Variants in GALNT1 observed in about 807,000 individuals in gnomAD.
GALNT1 encodes GalNAc transferase 1.
A neutral mutation model predicts 65.7 loss-of-function variants in GALNT1; 17 were observed. The ratio of observed to expected loss-of-function variants is 0.26; its 90% CI spans 0.18 to 0.39. The LOEUF (loss-of-function observed/expected upper bound fraction) is 0.39. GALNT1 is among the 10% of genes least tolerant of loss of function. The probability of loss-of-function intolerance (pLI) is 1.00; values close to 1 mark genes in which losing one functional copy is unlikely to be tolerated. For synonymous variants in GALNT1, 210 were observed against 219.7 expected, an observed-to-expected ratio of 0.96 and a Z score of 0.39; for missense variants, 460 against 672.8, an observed-to-expected ratio of 0.68 and a Z score of 3.50.
chr18:35,589,433 G>T (rs866611654), intron 1 of GALNT1, among the ~76,000 whole-genome samples: 3 of 152,004 alleles, frequency 2.0e-5, no homozygotes, highest in South Asian at 2.1e-4. Flanking sequence ...GGAGTAGAGT[G>T]GTTTTTTTCC....
intron 1 of GALNT1, among the ~76,000 whole-genome samples, chr18:35,641,926 T>C (rs1196412739): frequency 6.6e-6 from 1 of 152,206 alleles, no homozygotes; most frequent in Admixed American, 6.5e-5. Flanking sequence ...TATTTTGTAA[T>C]TTATAGTGTG....
chr18:35,640,088 A>G (rs1199374632), intron 1 of GALNT1, among the ~76,000 whole-genome samples: 1 of 152,176 alleles, frequency 6.6e-6, no homozygotes, highest in Non-Finnish European at 1.5e-5. Flanking sequence ...GTGAGCCACC[A>G]TGTCCAGCCT....
chr18:35,638,448 C>T (rs942807600), intron 1 of GALNT1, among the ~76,000 whole-genome samples: 4 of 152,042 alleles, frequency 2.6e-5, no homozygotes. Context: ...TAACATGGTG[C>T]TTCCCCCCTT....
chr18:35,686,064 A>G (rs1013882345), intron 5 of GALNT1, among the ~76,000 whole-genome samples: 7 of 152,196 alleles, frequency 4.6e-5, no homozygotes, highest in African/African-American at 1.4e-4. Flanking sequence ...GTGAGACTCC[A>G]TCTCCAAACA....
chr18:35,624,596 A>G (rs1359100523), intron 1 of GALNT1, among the ~76,000 whole-genome samples: 2 of 152,144 alleles, frequency 1.3e-5, no homozygotes, highest in African/African-American at 2.4e-5. Flanking sequence ...TGTGCTGTCT[A>G]TAGGTGTGGT....
At chr18:35,682,003 G>A (rs1180725460) in intron 4 of GALNT1, among the ~76,000 whole-genome samples, 1 of 152,080 alleles carries the variant, frequency 6.6e-6, no homozygotes, top group Admixed American at 6.5e-5. Context: ...ACATATGTTA[G>A]CATTATGCTA....
chr18:35,620,536 G>A (rs968417117), intron 1 of GALNT1, among the ~76,000 whole-genome samples: 1 of 152,112 alleles, frequency 6.6e-6, no homozygotes, highest in African/African-American at 2.4e-5. Flanking sequence ...ACAACCACTA[G>A]TAAGAATTTG....
In GALNT1 at chr18:35,691,107, A is replaced by G. The variant is rs746755474; in HGVS notation, c.1074A>G (p.Thr358=). ...KATPYTFPGG[T]GQIINKNNRR... ...CACCTTACACGTTTCCAGGAGGCAC[A>G]GGGCAGATTATCAATAAAAATAACA... The change falls in exon 8 of 12, where the codon ACA becomes ACG. Residue 358 remains threonine, a synonymous_variant. Coordinates refer to ENST00000269195, the MANE Select transcript of GALNT1 (RefSeq NM_020474.4). 5.0e-6 allele frequency: 8 copies of G among 1,613,206 alleles called. No homozygotes were observed. The Admixed American group carries it at 5.0e-5, about 10-fold the overall frequency.
At chr18:35,581,508 C>G (rs1217106336), upstream of GALNT1, among the ~76,000 whole-genome samples, 1 of 143,828 alleles carries the variant, frequency 7.0e-6, no homozygotes, top group African/African-American at 2.5e-5. Flanking sequence ...GCACGCAGCG[C>G]AGGGAGGACC....
intron 1 of GALNT1, among the ~76,000 whole-genome samples, chr18:35,634,615 G>A (rs899787354): frequency 2.0e-5 from 3 of 152,144 alleles, no homozygotes; most frequent in Non-Finnish European, 4.4e-5. Flanking sequence ...TGTGTACTAG[G>A]GAACCTCATT....
At chr18:35,595,938 G>C (rs1169171386) in intron 1 of GALNT1, 2 of 152,178 alleles carry the variant, frequency 1.3e-5, no homozygotes, top group African/African-American at 4.8e-5. Flanking sequence ...TACCAGTTGG[G>C]TGTGACATGC....
chr18:35,683,975 G>T (rs1403523959), intron 5 of GALNT1, among the ~76,000 whole-genome samples: 1 of 152,234 alleles, frequency 6.6e-6, no homozygotes, highest in East Asian at 1.9e-4. Context: ...AGCTTGTAGT[G>T]CAGCAAGAAG....
intron 1 of GALNT1, among the ~76,000 whole-genome samples, chr18:35,604,268 C>CGTGGTACTCCATG (rs1441968118): frequency 4.6e-5 from 7 of 152,114 alleles, no homozygotes; most frequent in Admixed American, 4.6e-4. Flanking sequence ...TAAATGGCTG[C>CGTGGTACTCCATG]GTGGTACTCC....
intron 3 of GALNT1, among the ~76,000 whole-genome samples, chr18:35,666,258 A>C (rs965536369): frequency 6.6e-6 from 1 of 152,252 alleles, no homozygotes; most frequent in African/African-American, 2.4e-5. Context: ...TTAGCCATGA[A>C]TAAGTCATAA....
In GALNT1 at chr18:35,672,541, G is replaced by A. The variant is rs531593118; in HGVS notation, c.315-5050G>A. Among the ~76,000 whole-genome samples the A allele has an allele frequency of 9.5e-4, 145 of 152,238 alleles. 3 individuals are homozygous for A. In the South Asian group the frequency reaches 0.01, roughly 11 times the overall value. ...ACCTTGCTTATGTTCTAAGACATGG[G>A]CTTAACTGGTGTGTAGCTGGCTGTG... On this transcript the variant is annotated intron_variant, in intron 3 of 11. Transcript: ENST00000269195.
intron 4 of GALNT1, among the ~76,000 whole-genome samples, chr18:35,678,413 C>T (rs1019176170): frequency 6.6e-6 from 1 of 152,104 alleles, no homozygotes; most frequent in African/African-American, 2.4e-5. Context: ...TCATGAAATA[C>T]TCTTTGGGAA....
At chr18:35,659,500 C>A (rs1032383357) in intron 2 of GALNT1, among the ~76,000 whole-genome samples, 8 of 151,994 alleles carry the variant, frequency 5.3e-5, no homozygotes, top group Non-Finnish European at 1.0e-4. Context: ...TGAAAGAATA[C>A]GGGTAGTGGG....
At chr18:35,635,522 G>A (rs1381208265) in intron 1 of GALNT1, among the ~76,000 whole-genome samples, 1 of 152,184 alleles carries the variant, frequency 6.6e-6, no homozygotes, top group East Asian at 1.9e-4. Flanking sequence ...TAGGGTCATT[G>A]CCGTGACTCC....
chr18:35,682,477 T>C (rs538725854), intron 4 of GALNT1, among the ~76,000 whole-genome samples: 18 of 152,328 alleles, frequency 1.2e-4, no homozygotes, highest in African/African-American at 2.2e-4. Flanking sequence ...CTCATACTTA[T>C]TGTATGGTGA....
Sources: gnomAD v4.1 joint callset for allele counts (sites outside exome capture counted in the v4.1 genomes callset) on GRCh38, gnomAD v4.1.1 for gene constraint, MANE v1.5 for transcripts, NCBI Gene and HGNC (gene_info 2026-07-23, HGNC 2026-07-21) for gene names.